Variants in SFMBT2 observed in about 807,000 individuals in gnomAD.
The protein encoded by SFMBT2 is scm-like with four MBT domains protein 2.
In SFMBT2, 38 loss-of-function variants were observed where a neutral mutation model predicts 110.1. The ratio of observed to expected loss-of-function variants is 0.35; its 90% CI spans 0.27 to 0.45. The LOEUF is 0.45. Among genes scored for constraint, SFMBT2 ranks in the 20% least tolerant of loss-of-function variants. SFMBT2 has a pLI of 1.00. For synonymous variants in SFMBT2, 425 were observed against 425.4 expected, an observed-to-expected ratio of 1.00 and a Z score of 0.01; for missense variants, 1,011 against 1,094.9, an observed-to-expected ratio of 0.92 and a Z score of 1.08.
chr10:7,234,292 A>T (rs1010634100), intron 9 of SFMBT2, among the ~76,000 whole-genome samples: 2 of 152,228 alleles, frequency 1.3e-5, no homozygotes. Flanking sequence ...CGCCTTCCTT[A>T]TCTTTTAAAA....
chr10:7,345,885 C>T (rs771825737), intron 4 of SFMBT2, among the ~76,000 whole-genome samples: 7 of 152,176 alleles, frequency 4.6e-5, no homozygotes, highest in African/African-American at 1.4e-4. Flanking sequence ...CTAGCTGGAA[C>T]GGAAATCCTC....
intron 4 of SFMBT2, among the ~76,000 whole-genome samples, chr10:7,303,620 G>A (rs1842615203): frequency 6.6e-6 from 1 of 152,148 alleles, no homozygotes; most frequent in South Asian, 2.1e-4. Flanking sequence ...ATAAGCTCTT[G>A]ATGATTTCTG....
intron 1 of SFMBT2, among the ~76,000 whole-genome samples, chr10:7,409,744 ACTTCAGCTG>A (rs1471020434): frequency 6.6e-6 from 1 of 151,538 alleles, no homozygotes; most frequent in Non-Finnish European, 1.5e-5. Context: ...AGGGGTGGAA[ACTTCAGCTG>A]GGTTTTTTCC....
At chr10:7,173,126 G>A (rs1837942144) in intron 17 of SFMBT2, among the ~76,000 whole-genome samples, 1 of 152,216 alleles carries the variant, frequency 6.6e-6, no homozygotes, top group African/African-American at 2.4e-5. Flanking sequence ...CCAGCTTCCA[G>A]GACTGTGGGA....
intron 4 of SFMBT2, among the ~76,000 whole-genome samples, chr10:7,318,835 T>A (rs532409416): frequency 1.3e-5 from 2 of 152,226 alleles, no homozygotes; most frequent in Non-Finnish European, 2.9e-5. Context: ...ATTTTATTTG[T>A]ACACAATTCC....
chr10:7,171,964 G>A lies in SFMBT2; in HGVS notation c.2346C>T (p.Arg782=), dbSNP rs371074526. 2.1e-5 allele frequency: 32 copies of A among 1,496,058 alleles called. No homozygotes were observed. The highest frequency in any genetic ancestry group is 7.5e-5 in the East Asian group (3 of 39,876). The allele number at this position is 1,496,058 out of a possible 1,614,324, so 92.7% of individuals were successfully genotyped here. The stretch of plus-strand genomic sequence containing the variant: ...CTGCTGAGGAGGCAGCCGGCGCCCC[G>A]CGGCCCCTTCGTGTCCTCTCTGGGG... ...RPPPERTRRG[R]GAPAASSAEE... is the part of the protein sequence containing the mutation. The change falls in exon 19 of 21, where the codon CGC becomes CGT. Residue 782 remains arginine, a synonymous_variant. Coordinates refer to ENST00000397167, the MANE Select transcript of SFMBT2 (RefSeq NM_001387889.1). This position sits in a 1 kb window ranked among gnomAD's most constrained non-coding sequence, Gnocchi z 4.9.
chr10:7,236,093 C>A (rs1412400194), intron 9 of SFMBT2, among the ~76,000 whole-genome samples: 1 of 151,530 alleles, frequency 6.6e-6, no homozygotes, highest in East Asian at 1.9e-4. Context: ...ATTAGTGGTA[C>A]TCTCTTATAC....
intron 14 of SFMBT2, among the ~76,000 whole-genome samples, chr10:7,199,830 G>A (rs576780143): frequency 8.5e-4 from 129 of 152,284 alleles, no homozygotes; most frequent in African/African-American, 3.0e-3. Context: ...TTAGAGAATA[G>A]ACTTTTTAAT....
intron 11 of SFMBT2, among the ~76,000 whole-genome samples, chr10:7,209,338 C>T (rs1013718880): frequency 1.3e-5 from 2 of 152,170 alleles, no homozygotes; most frequent in African/African-American, 2.4e-5. Context: ...TAAGATCAAG[C>T]GAAAAATCCC....
At chr10:7,402,742 T>C (rs1846112594) in intron 1 of SFMBT2, among the ~76,000 whole-genome samples, 1 of 152,194 alleles carries the variant, frequency 6.6e-6, no homozygotes, top group African/African-American at 2.4e-5. Context: ...CAAAACTGTG[T>C]GTACCTGGGA....
chr10:7,334,052 C>A (rs1226754323), intron 4 of SFMBT2, among the ~76,000 whole-genome samples: 2 of 152,184 alleles, frequency 1.3e-5, no homozygotes, highest in African/African-American at 4.8e-5. Flanking sequence ...ACACACACAC[C>A]GGATGTGCTA....
At chr10:7,378,420 T>C (rs1259930234) in intron 2 of SFMBT2, among the ~76,000 whole-genome samples, 1 of 84,974 alleles carries the variant, frequency 1.2e-5, no homozygotes, top group African/African-American at 5.8e-5. Context: ...GGTGGATGGA[T>C]GGGTGTGAGT....
chr10:7,186,265 A>C (rs555599031), intron 16 of SFMBT2, among the ~76,000 whole-genome samples: 1 of 152,086 alleles, frequency 6.6e-6, no homozygotes, highest in East Asian at 1.9e-4. Flanking sequence ...GCCAAATGAG[A>C]GCAATCACAC....
chr10:7,201,497 C>A (rs1271853307), intron 13 of SFMBT2, among the ~76,000 whole-genome samples: 1 of 152,118 alleles, frequency 6.6e-6, no homozygotes, highest in Non-Finnish European at 1.5e-5. Context: ...TGGTTATGAG[C>A]CAGATAAACT....
exon 1 of SFMBT2, among the ~76,000 whole-genome samples, chr10:7,411,026 TTCCAATATGGCA>T (rs1846365876): frequency 6.8e-6 from 1 of 147,804 alleles, no homozygotes; most frequent in Non-Finnish European, 1.5e-5. Flanking sequence ...CTACAGCTCA[TTCCAATATGGCA>T]TCCTCTCTGT....
chr10:7,367,638 C>T lies in SFMBT2; in HGVS notation c.436+11G>A, dbSNP rs1844948236. 3 of 1,603,114 alleles carry T rather than the reference C, an allele frequency of 1.9e-6. No individual in the cohort carries two copies. Among genetic ancestry groups the T allele is most frequent in the Middle Eastern group, 4.1e-4 (2 of 4,926 alleles). On this transcript the variant is annotated intron_variant, in intron 4 of 20. Transcript: ENST00000397167. This position sits in a 1 kb window ranked among gnomAD's most constrained non-coding sequence, Gnocchi z 6.2. ...GGCTCGTAAATCGAAGCCTTTGAAA[C>T]AGGGGCTCACCGTCCGGCGGCATCA...
chr10:7,180,611 G>C (rs1838216656), intron 16 of SFMBT2, among the ~76,000 whole-genome samples: 2 of 152,144 alleles, frequency 1.3e-5, no homozygotes, highest in African/African-American at 4.8e-5. Flanking sequence ...ACTGTGGGAT[G>C]ATCTCTGTCT....
chr10:7,201,588 T>C (rs1047198619), intron 13 of SFMBT2, among the ~76,000 whole-genome samples: 1 of 152,192 alleles, frequency 6.6e-6, no homozygotes, highest in Non-Finnish European at 1.5e-5. Context: ...TTCAATTTCA[T>C]CTTATTTAAA....
At position 7,259,904 on chromosome 10, in the gene SFMBT2, G is replaced by A. The variant is rs1841141205; in HGVS notation, c.871-11255C>T. Among the ~76,000 whole-genome samples, 4 of 152,166 alleles carry A rather than the reference G, an allele frequency of 2.6e-5. No individual in the cohort carries two copies. The South Asian group carries it at 6.2e-4, about 24-fold the overall frequency. On this transcript the variant is annotated intron_variant, in intron 7 of 20. Coordinates refer to ENST00000397167, the MANE Select transcript of SFMBT2 (RefSeq NM_001387889.1). ...TTGTGCCAGTCTACACTGCAGACCCGGTGCTGCCAGTCTACACTGCAGACC... is the reference window on the plus strand; with the variant it reads ...TTGTGCCAGTCTACACTGCAGACCCAGTGCTGCCAGTCTACACTGCAGACC...
Sources: allele counts gnomAD v4.1 joint callset (sites outside exome capture counted in the v4.1 genomes callset), GRCh38; gene constraint gnomAD v4.1.1; non-coding constraint Gnocchi (gnomAD v3.1); transcripts MANE v1.5; gene names NCBI Gene and HGNC (gene_info 2026-07-23, HGNC 2026-07-21).